Variants in SNX27 observed in about 807,000 individuals in gnomAD.
The protein encoded by SNX27 is sorting nexin-27.
In SNX27, 22 loss-of-function variants were observed where a neutral mutation model predicts 71.6. The ratio of observed to expected loss-of-function variants is 0.31; its 90% confidence interval spans 0.22 to 0.44. The LOEUF (loss-of-function observed/expected upper bound fraction) is 0.44, where lower values mean the gene tolerates loss of function less well. SNX27 is among the 20% of genes least tolerant of loss of function. The pLI is 1.00. For missense variants in SNX27, 531 were observed against 698.6 expected, an observed-to-expected ratio of 0.76 and a Z score of 2.70; for synonymous variants, 269 against 277.2, an observed-to-expected ratio of 0.97 and a Z score of 0.29.
At chr1:151,648,009 A>G (rs1157914430) in intron 2 of SNX27, among the ~76,000 whole-genome samples, 2 of 152,104 alleles carry the variant, frequency 1.3e-5, no homozygotes, top group African/African-American at 2.4e-5. Context: ...AAAAACAACA[A>G]AAAAACAATT....
At chr1:151,673,545 G>T (rs1670537490) in intron 7 of SNX27, among the ~76,000 whole-genome samples, 2 of 152,128 alleles carry the variant, frequency 1.3e-5, no homozygotes, top group Non-Finnish European at 2.9e-5. Flanking sequence ...GATTCATTTG[G>T]TCTATAATGC....
intron 2 of SNX27, among the ~76,000 whole-genome samples, chr1:151,653,361 A>G (rs1435048247): frequency 6.6e-6 from 1 of 151,844 alleles, no homozygotes; most frequent in East Asian, 1.9e-4. Flanking sequence ...AATGGGCAAT[A>G]CTCTTCTGTT....
At chr1:151,677,778 G>A (rs1481890660) in intron 7 of SNX27, 1 of 152,002 alleles carries the variant, frequency 6.6e-6, no homozygotes, top group Non-Finnish European at 1.5e-5. Flanking sequence ...TATAAAACTA[G>A]AAGACAAAAG....
At position 151,639,057 on chromosome 1, in the gene SNX27, C is replaced by A; in HGVS notation, c.481C>A (p.Gln161Lys). 1 of 1,614,130 alleles carries A rather than the reference C, an allele frequency of 6.2e-7. No homozygotes were observed. The highest frequency in any genetic ancestry group is 1.1e-5 in the South Asian group (1 of 91,076). ...ATCATTTTATGATTACACAGAAAAG[C>A]AAGCAGTGCCCATATCGGTCCCCAG... ...GQSFYDYTEK[Q>K]AVPISVPRYK... The change falls in exon 2 of 12, where the codon CAA becomes AAA. Residue 161 changes from glutamine (Q) to lysine (K), a missense_variant. Coordinates refer to ENST00000458013, the MANE Select transcript of SNX27 (RefSeq NM_001330723.2).
At chr1:151,654,121 G>T (rs868495768) in intron 2 of SNX27, among the ~76,000 whole-genome samples, 1 of 152,148 alleles carries the variant, frequency 6.6e-6, no homozygotes, top group Non-Finnish European at 1.5e-5. Flanking sequence ...GTGAGCCACC[G>T]TGCCCGGCCG....
Position 151,683,372 on chromosome 1 carries a change from A to G in SNX27, c.1166A>G (p.Lys389Arg). ...TGGTGATAGGCAGTCGATGATGTGAAGAAAGGTTACATCAAAGCAGAAGAA... is the reference window on the plus strand; with the variant it reads ...TGGTGATAGGCAGTCGATGATGTGAGGAAAGGTTACATCAAAGCAGAAGAA... ...YFFHQAVDDV[K>R]KGYIKAEEKS... Residue 389 changes from lysine to arginine, a missense_variant, in exon 8 of 12, where the codon AAG (lysine) becomes AGG (arginine). By Grantham distance (26) the Lys-to-Arg change is conservative (BLOSUM62 2). Around this residue, in one of 5 missense-constraint regions of SNX27, gnomAD observed 184 missense variants for 289.6 expected, o/e 0.64. Transcript: ENST00000458013. 6.2e-7 allele frequency: 1 copy of G among 1,612,966 alleles called. No homozygotes were observed. Among genetic ancestry groups the G allele is most frequent in the South Asian group, 1.1e-5 (1 of 90,812 alleles).
At chr1:151,641,084 A>G (rs1571796462) in intron 2 of SNX27, among the ~76,000 whole-genome samples, 1 of 152,196 alleles carries the variant, frequency 6.6e-6, no homozygotes, top group East Asian at 1.9e-4. Flanking sequence ...GATTTACTAC[A>G]GTTTGTTCAT....
intron 2 of SNX27, among the ~76,000 whole-genome samples, chr1:151,655,372 C>A (rs1399278354): frequency 6.6e-6 from 1 of 152,170 alleles, no homozygotes; most frequent in East Asian, 1.9e-4. Flanking sequence ...CTGCTCCCGG[C>A]TGATAATAGT....
chr1:151,688,232 G>A (rs1270424302), intron 8 of SNX27, among the ~76,000 whole-genome samples: 1 of 152,220 alleles, frequency 6.6e-6, no homozygotes, highest in East Asian at 1.9e-4. Context: ...AGGTTGGGTA[G>A]TATTTGTCAA....
intron 1 of SNX27, among the ~76,000 whole-genome samples, chr1:151,621,912 A>G (rs1667694841): frequency 6.6e-6 from 1 of 152,104 alleles, no homozygotes; most frequent in African/African-American, 2.4e-5. Flanking sequence ...AACAGCAATG[A>G]GTTTTGTTCT....
Position 151,652,229 on chromosome 1 carries a change from A to ACCGTG in SNX27, c.544-6006_544-6005insCCGTG, listed in dbSNP as rs1196168799. Among the ~76,000 whole-genome samples, 24 of 90,048 alleles carry ACCGTG rather than the reference A, an allele frequency of 2.7e-4. No individual in the cohort carries two copies. In the South Asian group the frequency reaches 4.8e-3, roughly 18 times the overall value. The allele number at this position is 90,048 out of a possible 152,430, so 59.1% of individuals were successfully genotyped here. On this transcript the variant is annotated intron_variant, in intron 2 of 11. Coordinates refer to ENST00000458013, the MANE Select transcript of SNX27 (RefSeq NM_001330723.2). ...TGGGGAGAGGGAGAGGGAGAGGGAG[A>ACCGTG]GGGAGAGGGAGAGGGAGACGGAGAG...
chr1:151,651,499 G>C (rs1176319518), intron 2 of SNX27, among the ~76,000 whole-genome samples: 1 of 149,944 alleles, frequency 6.7e-6, no homozygotes, highest in Non-Finnish European at 1.5e-5. Flanking sequence ...GCGGTTGCCG[G>C]GCAGAGGGTC....
intron 1 of SNX27, among the ~76,000 whole-genome samples, chr1:151,625,733 C>T (rs1174149649): frequency 2.0e-5 from 3 of 146,506 alleles, no homozygotes; most frequent in Non-Finnish European, 3.0e-5. Flanking sequence ...TGCAGTGATT[C>T]GAGACCACAC....
At chr1:151,688,413 C>G (rs1233362786) in intron 8 of SNX27, among the ~76,000 whole-genome samples, 2 of 152,164 alleles carry the variant, frequency 1.3e-5, no homozygotes, top group Non-Finnish European at 2.9e-5. Flanking sequence ...GCAGGCAGAT[C>G]ACGAGGTCAG....
In SNX27 at chr1:151,668,527, A is replaced by G. The variant is rs113299731; in HGVS notation, c.1041A>G (p.Thr347=). 1.9e-6 allele frequency: 3 copies of G among 1,614,102 alleles called. No homozygotes were observed. Among genetic ancestry groups the G allele is most frequent in the Admixed American group, 1.7e-5 (1 of 60,008 alleles). Residue 347 remains threonine, a synonymous_variant, in exon 7 of 12, where the codon ACA becomes ACG. Coordinates refer to ENST00000458013, the MANE Select transcript of SNX27 (RefSeq NM_001330723.2). The part of the protein sequence containing the change: ...FPHKLYIQNY[T]SAVPGTCLTI... ...ACAAACTCTACATTCAGAATTATAC[A>G]TCAGCTGTGCCAGGCACCTGCTTGA...
intron 1 of SNX27, among the ~76,000 whole-genome samples, chr1:151,619,796 G>A (rs893582327): frequency 1.3e-5 from 2 of 152,158 alleles, no homozygotes; most frequent in African/African-American, 4.8e-5. Context: ...GGTTCCACAA[G>A]TAAGCACACA....
intron 1 of SNX27, among the ~76,000 whole-genome samples, chr1:151,618,120 C>T (rs1212998940): frequency 6.6e-6 from 1 of 151,638 alleles, no homozygotes; most frequent in Admixed American, 6.6e-5. Flanking sequence ...CCCACTTTGG[C>T]CTCCTAAACC....
intron 2 of SNX27, among the ~76,000 whole-genome samples, chr1:151,649,158 C>T (rs1257214931): frequency 6.6e-6 from 1 of 151,944 alleles, no homozygotes; most frequent in African/African-American, 2.4e-5. Context: ...GACAGGGTTT[C>T]ACCATGTTGG....
chr1:151,672,229 G>A (rs1670479077), intron 7 of SNX27, among the ~76,000 whole-genome samples: 1 of 152,054 alleles, frequency 6.6e-6, no homozygotes. Context: ...TTTATCAAAT[G>A]CTTTTTCAGC....
Sources: allele counts gnomAD v4.1 joint callset (sites outside exome capture counted in the v4.1 genomes callset), GRCh38; gene constraint gnomAD v4.1.1; regional missense constraint gnomAD v4.1.1; transcripts MANE v1.5; gene names NCBI Gene and HGNC (gene_info 2026-07-23, HGNC 2026-07-21).